RFTN1: variants seen among roughly 807,000 people sequenced by gnomAD.
RFTN1 encodes the protein raftlin.
RFTN1 carries 26 observed loss-of-function variants against 46.5 expected under a neutral mutation model. The observed-to-expected ratio is 0.56, with a 90% CI of 0.41 to 0.78. The LOEUF is 0.78. Among genes scored for constraint, RFTN1 ranks in the 30% least tolerant of loss-of-function variants. RFTN1 has a pLI of 0.00. For missense variants in RFTN1, 693 were observed against 718.7 expected (o/e 0.96, Z 0.41); for synonymous variants, 261 against 284.2 (o/e 0.92, Z 0.82).
At position 16,447,199 on chromosome 3, in the gene RFTN1, AT is replaced by A. The variant is rs1168435064; in HGVS notation, c.146-13163del. ...ACTAAGTCTACATAAAGTTCTATGC[AT>A]TGTAAATGCATTTTAACAAATAATA... On this transcript the variant is annotated intron_variant, in intron 2 of 9. Transcript: ENST00000334133. The surrounding 1 kb of genome is among the most constrained non-coding windows in gnomAD (Gnocchi z 5.9). 1.3e-5 allele frequency among the ~76,000 whole-genome samples: 2 copies of A among 152,244 alleles called. No individual in the cohort carries two copies. The highest frequency in any genetic ancestry group is 2.9e-5 in the Non-Finnish European group (2 of 68,050).
Position 16,374,488 on chromosome 3 carries a change from T to C in RFTN1, c.826+3230A>G, listed in dbSNP as rs1249576974. ...ATCAGGAAAGCCCAACCCCCAGGTT[T>C]TGGCCATTCACAATGAGCTGGCAGC... On this transcript the variant is annotated intron_variant, in intron 5 of 9. Transcript: ENST00000334133. This position sits in a 1 kb window ranked among gnomAD's most constrained non-coding sequence, Gnocchi z 5.4. Among the ~76,000 whole-genome samples the C allele has an allele frequency of 1.3e-5, 2 of 152,146 alleles. No homozygotes were observed. The highest frequency in any genetic ancestry group is 2.9e-5 in the Non-Finnish European group (2 of 68,012).
Position 16,481,390 on chromosome 3 carries a change from G to T in RFTN1, c.145+12335C>A, listed in dbSNP as rs2076364866. On this transcript the variant is annotated intron_variant, in intron 2 of 9. Coordinates refer to ENST00000334133, the MANE Select transcript of RFTN1 (RefSeq NM_015150.2). The surrounding 1 kb of genome is among the most constrained non-coding windows in gnomAD (Gnocchi z 5.1). ...CTTTGAGACATGTTTTATGGGAACC[G>T]ATTTCCTTATTACTCTTTGCATCTT... Among the ~76,000 whole-genome samples, 1 of 152,048 alleles carries T rather than the reference G, an allele frequency of 6.6e-6. No individual in the cohort carries two copies. The highest frequency in any genetic ancestry group is 2.4e-5 in the African/African-American group (1 of 41,388).
chr3:16,393,349 G>T (rs1248906516), intron 4 of RFTN1, among the ~76,000 whole-genome samples: 1 of 152,190 alleles, frequency 6.6e-6, no homozygotes, highest in Non-Finnish European at 1.5e-5. Flanking sequence ...ACTGCCAAGA[G>T]TGGGACCAAT....
intron 2 of RFTN1, among the ~76,000 whole-genome samples, chr3:16,467,697 C>T (rs879271110): frequency 9.9e-5 from 15 of 152,110 alleles, no homozygotes; most frequent in Non-Finnish European, 2.1e-4. Context: ...AAAAAGCCAA[C>T]GGCAGTTCAT....
chr3:16,419,301 C>T (rs531771173), intron 3 of RFTN1, among the ~76,000 whole-genome samples: 2 of 152,146 alleles, frequency 1.3e-5, no homozygotes, highest in South Asian at 4.2e-4. Flanking sequence ...TGAGAAAGGA[C>T]GGTACTCGCC....
chr3:16,436,135 T>C (rs536005030), intron 2 of RFTN1, among the ~76,000 whole-genome samples: 1 of 151,978 alleles, frequency 6.6e-6, no homozygotes, highest in East Asian at 1.9e-4. Flanking sequence ...GTAATTTGTA[T>C]TTTTTCTTAT....
intron 3 of RFTN1, among the ~76,000 whole-genome samples, chr3:16,431,636 A>G (rs2075390733): frequency 6.6e-6 from 1 of 152,144 alleles, no homozygotes; most frequent in Non-Finnish European, 1.5e-5. Flanking sequence ...TCCTTTAAAC[A>G]CTAAGGCCAC....
intron 6 of RFTN1, among the ~76,000 whole-genome samples, chr3:16,368,400 A>G (rs1316872864): frequency 2.0e-5 from 3 of 152,222 alleles, no homozygotes; most frequent in East Asian, 3.8e-4. Context: ...GGCCGGGCAC[A>G]GTGGCTCACG....
At position 16,321,710 on chromosome 3, in the gene RFTN1, A is replaced by G. The variant is rs900413816; in HGVS notation, c.1332+1666T>C. On this transcript the variant is annotated intron_variant, in intron 9 of 9. Transcript: ENST00000334133. The surrounding 1 kb of genome is among the most constrained non-coding windows in gnomAD (Gnocchi z 4.8). The stretch of plus-strand genomic sequence containing the variant: ...AGGAAATAATTAGGTACATGGAAAG[A>G]GAAAGCAGTCCACCCAGATGAGTAC... Among the ~76,000 whole-genome samples, 3 of 152,236 alleles carry G rather than the reference A, an allele frequency of 2.0e-5. No individual in the cohort carries two copies. Among genetic ancestry groups the G allele is most frequent in the Non-Finnish European group, 4.4e-5 (3 of 68,030 alleles).
At position 16,443,600 on chromosome 3, in the gene RFTN1, C is replaced by T. The variant is rs577189947; in HGVS notation, c.146-9563G>A. Among the ~76,000 whole-genome samples the T allele has an allele frequency of 6.6e-5, 10 of 152,244 alleles. No individual in the cohort carries two copies. Among genetic ancestry groups the T allele is most frequent in the Admixed American group, 2.0e-4 (3 of 15,296 alleles). Reference sequence around the variant, plus strand: ...GGAGTAACTGGCAAAGCAACAGATGCCTCATCAAATGAATTAAGTTGCCGG... The same window carrying T: ...GGAGTAACTGGCAAAGCAACAGATGTCTCATCAAATGAATTAAGTTGCCGG... On this transcript the variant is annotated intron_variant, in intron 2 of 9. Transcript: ENST00000334133. This position sits in a 1 kb window ranked among gnomAD's most constrained non-coding sequence, Gnocchi z 5.5.
At chr3:16,508,028 C>G (rs1361879382) in intron 1 of RFTN1, among the ~76,000 whole-genome samples, 1 of 152,140 alleles carries the variant, frequency 6.6e-6, no homozygotes, top group Admixed American at 6.5e-5. Context: ...TGGAAACCTC[C>G]AATACGGGAT....
At chr3:16,496,864 TA>T (rs1340577372) in intron 1 of RFTN1, among the ~76,000 whole-genome samples, 1 of 152,210 alleles carries the variant, frequency 6.6e-6, no homozygotes, top group Non-Finnish European at 1.5e-5. Context: ...CATTATGGTA[TA>T]TTCACACAAT....
chr3:16,422,899 G>C lies in RFTN1; in HGVS notation c.332+10952C>G, dbSNP rs887836660. On this transcript the variant is annotated intron_variant, in intron 3 of 9. Coordinates refer to ENST00000334133, the MANE Select transcript of RFTN1 (RefSeq NM_015150.2). The surrounding 1 kb of genome is among the most constrained non-coding windows in gnomAD (Gnocchi z 4.6). ...GTTAGACTCCTGGCTGGGTGCAGTG[G>C]CTCACGCCTGTAATCCCAGCACTTT... Among the ~76,000 whole-genome samples the C allele has an allele frequency of 3.9e-5, 6 of 152,200 alleles. No homozygotes were observed. In the East Asian group the frequency reaches 1.2e-3, roughly 29 times the overall value.
Position 16,448,168 on chromosome 3 carries a change from A to G in RFTN1, c.146-14131T>C, listed in dbSNP as rs1293802382. ...AATAATAATTTTTTATTGATTCCAT[A>G]TTGAAATGATAAATTGTCTAAGATA... On this transcript the variant is annotated intron_variant, in intron 2 of 9. Transcript: ENST00000334133. The surrounding 1 kb of genome is among the most constrained non-coding windows in gnomAD (Gnocchi z 4.1). 1.3e-5 allele frequency among the ~76,000 whole-genome samples: 2 copies of G among 152,018 alleles called. No individual in the cohort carries two copies. Among genetic ancestry groups the G allele is most frequent in the East Asian group, 3.8e-4 (2 of 5,200 alleles).
rs2070077469 is a variant in RFTN1 at position 16,329,453 on chromosome 3, A to T, written c.1147-2577T>A. Among the ~76,000 whole-genome samples, 1 of 152,182 alleles carries T rather than the reference A, an allele frequency of 6.6e-6. No homozygotes were observed. Among genetic ancestry groups the T allele is most frequent in the South Asian group, 2.1e-4 (1 of 4,832 alleles). Reference sequence around the variant, plus strand: ...ATCCGTTTACAGGTGGGGCCAGGAGAGAATGCCATTCTGGTCCCTTCCCTG... The same window carrying T: ...ATCCGTTTACAGGTGGGGCCAGGAGTGAATGCCATTCTGGTCCCTTCCCTG... On this transcript the variant is annotated intron_variant, in intron 7 of 9. Coordinates refer to ENST00000334133, the MANE Select transcript of RFTN1 (RefSeq NM_015150.2). The surrounding 1 kb of genome is among the most constrained non-coding windows in gnomAD (Gnocchi z 4.5).
At chr3:16,339,119 G>C (rs1439426264) in intron 7 of RFTN1, among the ~76,000 whole-genome samples, 4 of 152,162 alleles carry the variant, frequency 2.6e-5, no homozygotes, top group Non-Finnish European at 5.9e-5. Flanking sequence ...ACTAAGGAAG[G>C]GATTGGGTAA....
rs547159999 is a variant in RFTN1 at position 16,509,831 on chromosome 3, G to C, written c.-9+3611C>G. 6.6e-6 allele frequency among the ~76,000 whole-genome samples: 1 copy of C among 152,122 alleles called. No homozygotes were observed. The highest frequency in any genetic ancestry group is 2.4e-5 in the African/African-American group (1 of 41,392). ...GTCCCTACCCTCTGGCAGGCACTGC[G>C]CTAGGCTTTTAAGGAGGAGGGAACA... is the stretch of plus-strand genomic sequence containing the variant. On this transcript the variant is annotated intron_variant, in intron 1 of 9. Coordinates refer to ENST00000334133, the MANE Select transcript of RFTN1 (RefSeq NM_015150.2). The surrounding 1 kb of genome is among the most constrained non-coding windows in gnomAD (Gnocchi z 4.9).
chr3:16,454,209 CTT>C (rs1466815494), intron 2 of RFTN1, among the ~76,000 whole-genome samples: 5 of 152,344 alleles, frequency 3.3e-5, no homozygotes, highest in South Asian at 4.1e-4. Flanking sequence ...AAAACCCACT[CTT>C]ATATATCTTT....
intron 6 of RFTN1, among the ~76,000 whole-genome samples, chr3:16,364,387 T>A (rs1057278707): frequency 6.6e-6 from 1 of 152,208 alleles, no homozygotes; most frequent in East Asian, 1.9e-4. Context: ...AGATCTGAAA[T>A]GTGATTTGTT....
Sources: allele counts gnomAD v4.1 joint callset (sites outside exome capture counted in the v4.1 genomes callset), GRCh38; gene constraint gnomAD v4.1.1; non-coding constraint Gnocchi (gnomAD v3.1); transcripts MANE v1.5; gene names NCBI Gene and HGNC (gene_info 2026-07-23, HGNC 2026-07-21).